The following CAMK1D variants were observed in gnomAD, a reference collection of about 807,000 sequenced individuals.
CAMK1D encodes the protein calcium/calmodulin dependent protein kinase ID, also known as calcium/calmodulin-dependent protein kinase type 1D.
Under a neutral mutation model 47.7 loss-of-function variants are expected in CAMK1D, and 9 were observed. The ratio of observed to expected loss-of-function variants is 0.19; its 90% CI spans 0.11 to 0.33. The LOEUF is 0.33. Among genes scored for constraint, CAMK1D ranks in the 10% least tolerant of loss-of-function variants. The pLI is 1.00. For missense variants in CAMK1D, 291 were observed against 488.7 expected (o/e 0.60, Z 3.81); for synonymous variants, 184 against 184.9 (o/e 0.99, Z 0.04).
chr10:12,527,638 A>G (rs1189379113), intron 1 of CAMK1D, among the ~76,000 whole-genome samples: 2 of 152,142 alleles, frequency 1.3e-5, no homozygotes, highest in African/African-American at 4.8e-5. Context: ...GGCTTCCCGA[A>G]TTGCTGGGAT....
At chr10:12,691,590 G>C (rs140746756) in intron 3 of CAMK1D, among the ~76,000 whole-genome samples, 2 of 150,828 alleles carry the variant, frequency 1.3e-5, no homozygotes, top group African/African-American at 4.9e-5. Context: ...CCACCAGCAC[G>C]TCCAGCTCAT....
intron 3 of CAMK1D, among the ~76,000 whole-genome samples, chr10:12,672,860 A>G (rs1315590081): frequency 1.1e-5 from 1 of 88,384 alleles, no homozygotes; most frequent in African/African-American, 4.8e-5. Context: ...ATTCTAGAGT[A>G]TTTGTATTTT....
intron 2 of CAMK1D, among the ~76,000 whole-genome samples, chr10:12,605,337 A>AGTGTGTGTGTGTGTGT (rs112178502): frequency 0.026 from 3,766 of 145,160 alleles, 74 homozygotes; most frequent in Non-Finnish European, 0.042. Context: ...AAACCATTCA[A>AGTGTGTGTGTGTGTGT]GTGTGTGTGT....
In CAMK1D at chr10:12,833,412, T is replaced by C. The variant is rs913752681; in HGVS notation, c.*4525T>C. 6.6e-6 allele frequency: 1 copy of C among 152,370 alleles called. No individual in the cohort carries two copies. Among genetic ancestry groups the C allele is most frequent in the East Asian group, 1.9e-4 (1 of 5,190 alleles). 9.4% of individuals were successfully genotyped at this position (152,370 alleles called of 1,614,324 possible). A position where few individuals can be genotyped will look rare whatever the true frequency, so the allele number is the denominator to read the frequency against. ...ATTAACCCACTGGGGCTTGCTATTT[T>C]ATGAGCATTTTTAAACAGAAAGGAA... is the stretch of plus-strand genomic sequence containing the variant. On this transcript the variant is annotated 3_prime_UTR_variant, in exon 11 of 11. Transcript: ENST00000619168.
chr10:12,694,732 CAG>C (rs1833191986), intron 3 of CAMK1D, among the ~76,000 whole-genome samples: 1 of 150,716 alleles, frequency 6.6e-6, no homozygotes, highest in Non-Finnish European at 1.5e-5. Context: ...TCACCCAAGA[CAG>C]AGAGAAAATT....
intron 1 of CAMK1D, among the ~76,000 whole-genome samples, chr10:12,367,484 CTAT>C (rs971084543): frequency 3.3e-5 from 5 of 151,468 alleles, no homozygotes; most frequent in Non-Finnish European, 5.9e-5. Context: ...ATATTTATTC[CTAT>C]TATTTATTTA....
At chr10:12,763,255 G>T (rs1368840193) in intron 4 of CAMK1D, among the ~76,000 whole-genome samples, 2 of 152,126 alleles carry the variant, frequency 1.3e-5, no homozygotes, top group African/African-American at 4.8e-5. Context: ...CTAAATTTGC[G>T]TAAACAGCTA....
At chr10:12,605,990 A>T (rs1391654079) in intron 2 of CAMK1D, among the ~76,000 whole-genome samples, 2 of 152,312 alleles carry the variant, frequency 1.3e-5, no homozygotes, top group South Asian at 4.1e-4. Flanking sequence ...GCCGTGAGAG[A>T]AGCATTGCAA....
chr10:12,502,555 C>T (rs79884962), intron 1 of CAMK1D, among the ~76,000 whole-genome samples: 1 of 152,224 alleles, frequency 6.6e-6, no homozygotes, highest in African/African-American at 2.4e-5. Context: ...TTTACCTCCA[C>T]CATACAGAGG....
intron 3 of CAMK1D, among the ~76,000 whole-genome samples, chr10:12,684,866 C>A (rs1025163519): frequency 4.6e-5 from 7 of 151,998 alleles, no homozygotes; most frequent in African/African-American, 1.5e-4. Context: ...ATAAAACAGG[C>A]AAACATTTAT....
At chr10:12,805,792 G>A (rs754517413) in intron 6 of CAMK1D, among the ~76,000 whole-genome samples, 1 of 152,218 alleles carries the variant, frequency 6.6e-6, no homozygotes, top group Non-Finnish European at 1.5e-5. Flanking sequence ...TGAAACACAG[G>A]CATTTAATGA....
chr10:12,503,793 G>A (rs536298611), intron 1 of CAMK1D, among the ~76,000 whole-genome samples: 1 of 152,256 alleles, frequency 6.6e-6, no homozygotes, highest in African/African-American at 2.4e-5. Context: ...TGTATAGGAT[G>A]GAAGATCAGG....
intron 2 of CAMK1D, among the ~76,000 whole-genome samples, chr10:12,612,682 C>T (rs1838666430): frequency 6.6e-6 from 1 of 152,122 alleles, no homozygotes; most frequent in Admixed American, 6.6e-5. Flanking sequence ...ATATTCCTCT[C>T]TGGGTGCAGC....
At chr10:12,514,313 C>T (rs906708123) in intron 1 of CAMK1D, among the ~76,000 whole-genome samples, 18 of 152,140 alleles carry the variant, frequency 1.2e-4, no homozygotes, top group African/African-American at 3.1e-4. Context: ...TATGCAAATT[C>T]GGTAGCAATG....
intron 1 of CAMK1D, among the ~76,000 whole-genome samples, chr10:12,477,168 C>T (rs963978801): frequency 2.6e-5 from 4 of 152,152 alleles, no homozygotes; most frequent in African/African-American, 9.7e-5. Flanking sequence ...GTAATCCCAG[C>T]ACTTTGGGAG....
At chr10:12,648,702 C>T (rs1422530817) in intron 2 of CAMK1D, among the ~76,000 whole-genome samples, 6 of 151,330 alleles carry the variant, frequency 4.0e-5, no homozygotes, top group Non-Finnish European at 8.8e-5. Context: ...AACTCCTGAC[C>T]TCAGGTGATC....
intron 1 of CAMK1D, among the ~76,000 whole-genome samples, chr10:12,510,421 A>T (rs948992296): frequency 2.0e-5 from 3 of 152,096 alleles, no homozygotes; most frequent in Admixed American, 6.5e-5. Context: ...GTCTAAAAAA[A>T]AATAATAATA....
intron 1 of CAMK1D, among the ~76,000 whole-genome samples, chr10:12,500,942 TG>T (rs1834683786): frequency 6.6e-6 from 1 of 152,238 alleles, no homozygotes; most frequent in African/African-American, 2.4e-5. Context: ...AATCACCTCC[TG>T]TGGTTGGTGT....
At chr10:12,785,598 G>C (rs1172755750) in intron 5 of CAMK1D, among the ~76,000 whole-genome samples, 1 of 152,180 alleles carries the variant, frequency 6.6e-6, no homozygotes, top group African/African-American at 2.4e-5. Context: ...GCCCCGGAGG[G>C]ACTGTGCTGG....
Sources: gnomAD v4.1 joint callset for allele counts (sites outside exome capture counted in the v4.1 genomes callset) on GRCh38, gnomAD v4.1.1 for gene constraint, MANE v1.5 for transcripts, NCBI Gene and HGNC (gene_info 2026-07-23, HGNC 2026-07-21) for gene names.